CYTH1: variants seen among roughly 807,000 people sequenced by gnomAD.
CYTH1 encodes the protein cytohesin 1.
In CYTH1, 18 loss-of-function variants were observed where a neutral mutation model predicts 61.8. The ratio of observed to expected loss-of-function variants is 0.29; its 90% CI spans 0.20 to 0.43. The LOEUF (loss-of-function observed/expected upper bound fraction) is 0.43, where lower values mean the gene tolerates loss of function less well. CYTH1 is among the 20% of genes least tolerant of loss of function. CYTH1 has a pLI of 1.00. For synonymous variants in CYTH1, 174 were observed against 184.3 expected (o/e 0.94, Z 0.45); for missense variants, 336 against 510.5 (o/e 0.66, Z 3.29).
intron 11 of CYTH1, 94 bp from the exon 12 acceptor site, chr17:78,681,136 T>C (rs2144021247): frequency 8.0e-7 from 1 of 1,253,686 alleles, no homozygotes; most frequent in South Asian, 1.3e-5. Flanking sequence ...ACTTTCCTGC[T>C]TTCTCCCAGG....
At chr17:78,729,908 G>A (rs1187909539) in intron 1 of CYTH1, among the ~76,000 whole-genome samples, 1 of 152,118 alleles carries the variant, frequency 6.6e-6, no homozygotes. Context: ...GAGAGTGGGG[G>A]AGGCCTGGAC....
At chr17:78,762,216 T>G (rs1303943016) in intron 1 of CYTH1, among the ~76,000 whole-genome samples, 1 of 152,234 alleles carries the variant, frequency 6.6e-6, no homozygotes. Context: ...CATAACCTTC[T>G]GACTCAAGAT....
In CYTH1 at chr17:78,681,030, G is replaced by A. The variant is rs1405695192; in HGVS notation, c.904C>T (p.Arg302Cys). The change falls in exon 12 of 14, where the codon CGT (arginine) becomes TGT (cysteine). Residue 302 changes from arginine to cysteine, a missense_variant. By Grantham distance (180) the Arg-to-Cys change is radical (BLOSUM62 -3). Transcript: ENST00000446868. ...AGATTCTCTAAAGGGATGATTCCAC[G>A]GGGCTCCTTATCCTACAGAACAGTT... ...YFEYTTDKEPRGIIPLENLSI... is the reference protein window; with the variant it reads ...YFEYTTDKEPCGIIPLENLSI... 1 of 1,613,978 alleles carries A rather than the reference G, an allele frequency of 6.2e-7. No individual in the cohort carries two copies. Among genetic ancestry groups the A allele is most frequent in the Non-Finnish European group, 8.5e-7 (1 of 1,179,980 alleles).
chr17:78,732,983 A>G (rs2144603700), intron 1 of CYTH1, among the ~76,000 whole-genome samples: 1 of 141,862 alleles, frequency 7.0e-6, no homozygotes, highest in Non-Finnish European at 1.5e-5. Context: ...GCTACTCGGG[A>G]GCCTGAGGCA....
chr17:78,680,628 A>G (rs2092750765), intron 12 of CYTH1, among the ~76,000 whole-genome samples: 1 of 152,214 alleles, frequency 6.6e-6, no homozygotes, highest in Admixed American at 6.5e-5. Context: ...TTTAACTTCA[A>G]GCCAGTAACA....
At chr17:78,752,973 A>T (rs2093386362) in intron 1 of CYTH1, among the ~76,000 whole-genome samples, 1 of 152,232 alleles carries the variant, frequency 6.6e-6, no homozygotes, top group South Asian at 2.1e-4. Context: ...ACAAGAACAC[A>T]TAAAGCAAGA....
At chr17:78,720,599 G>GT (rs1446482609) in intron 1 of CYTH1, among the ~76,000 whole-genome samples, 1 of 152,238 alleles carries the variant, frequency 6.6e-6, no homozygotes, top group African/African-American at 2.4e-5. Context: ...AATTACAGGC[G>GT]TGAGCCATCG....
chr17:78,727,853 C>G, intron 1 of CYTH1: 1 of 367,206 alleles, frequency 2.7e-6, no homozygotes. Context: ...AAGACGAGAC[C>G]TATGGCAGGG....
At chr17:78,703,775 T>C (rs2093037529) in intron 3 of CYTH1, among the ~76,000 whole-genome samples, 1 of 152,242 alleles carries the variant, frequency 6.6e-6, no homozygotes, top group Non-Finnish European at 1.5e-5. Context: ...CATGCCTTCT[T>C]GCTGCTGGGT....
At chr17:78,732,752 T>C (rs1232847544) in intron 1 of CYTH1, among the ~76,000 whole-genome samples, 1 of 152,134 alleles carries the variant, frequency 6.6e-6, no homozygotes, top group African/African-American at 2.4e-5. Flanking sequence ...CCTGAGCAAC[T>C]TGTCCAACTA....
intron 1 of CYTH1, among the ~76,000 whole-genome samples, chr17:78,764,450 C>T (rs1281445886): frequency 2.6e-5 from 4 of 151,906 alleles, no homozygotes; most frequent in Non-Finnish European, 5.9e-5. Context: ...TGTGAGCCAC[C>T]GCGCCCGGCC....
intron 1 of CYTH1, among the ~76,000 whole-genome samples, chr17:78,761,655 G>A (rs1314442564): frequency 1.3e-5 from 2 of 152,068 alleles, no homozygotes; most frequent in African/African-American, 4.8e-5. Context: ...GGAGAATGAC[G>A]TGAACCCGGG....
At chr17:78,697,450 C>T (rs755648519) in intron 9 of CYTH1, among the ~76,000 whole-genome samples, 3 of 151,990 alleles carry the variant, frequency 2.0e-5, no homozygotes, top group Admixed American at 6.6e-5. Flanking sequence ...AAAGTCTTTC[C>T]TATTGATTAC....
chr17:78,733,776 A>G (rs1229786616), intron 1 of CYTH1, among the ~76,000 whole-genome samples: 1 of 152,250 alleles, frequency 6.6e-6, no homozygotes, highest in African/African-American at 2.4e-5. Flanking sequence ...ACCAAGCAAG[A>G]TAAAGTGTAT....
At chr17:78,781,788 C>A (rs1363258407) in intron 1 of CYTH1, among the ~76,000 whole-genome samples, 1 of 151,770 alleles carries the variant, frequency 6.6e-6, no homozygotes, top group South Asian at 2.1e-4. Flanking sequence ...CTCGGCCCCC[C>A]GGGACCCGGA....
intron 1 of CYTH1, among the ~76,000 whole-genome samples, chr17:78,713,893 T>C (rs2144470248): frequency 6.6e-6 from 1 of 152,320 alleles, no homozygotes; most frequent in Admixed American, 6.5e-5. Context: ...GGGTTTAATA[T>C]TCACACATGA....
chr17:78,695,182 TC>T (rs1164557895), intron 10 of CYTH1, among the ~76,000 whole-genome samples: 1 of 151,980 alleles, frequency 6.6e-6, no homozygotes, highest in East Asian at 1.9e-4. Context: ...AAAATATGTT[TC>T]CCCAAAAAAA....
At chr17:78,702,744 GA>G (rs1199605147) in intron 3 of CYTH1, 140 bp from the exon 4 acceptor site, 1 of 884,252 alleles carries the variant, frequency 1.1e-6, no homozygotes, top group African/African-American at 1.7e-5. Flanking sequence ...GTGGAACTAT[GA>G]AAGGCCAACT....
chr17:78,695,252 C>A (rs1447722612), intron 10 of CYTH1, among the ~76,000 whole-genome samples: 4 of 152,098 alleles, frequency 2.6e-5, no homozygotes, highest in Non-Finnish European at 1.5e-5. Flanking sequence ...GGGGCTTTAA[C>A]GAGGACTCGC....
Sources: allele counts gnomAD v4.1 joint callset (sites outside exome capture counted in the v4.1 genomes callset), GRCh38; gene constraint gnomAD v4.1.1; transcripts MANE v1.5; gene names NCBI Gene and HGNC (gene_info 2026-07-23, HGNC 2026-07-21).